Variants in OCA2 observed in about 807,000 individuals in gnomAD.
OCA2 encodes P protein.
In OCA2, 77 loss-of-function variants were observed where a neutral mutation model predicts 100.2. The ratio of observed to expected loss-of-function variants is 0.77; its 90% CI spans 0.64 to 0.93. OCA2 has a LOEUF of 0.93. Among genes scored for constraint, OCA2 ranks in the 40% least tolerant of loss-of-function variants. The pLI, the probability that OCA2 is intolerant of heterozygous loss-of-function variation, is 0.00. For missense variants in OCA2, 1,062 were observed against 1,089.1 expected (o/e 0.98, Z 0.35); for synonymous variants, 432 against 439.2 (o/e 0.98, Z 0.21).
chr15:28,033,431 A>G (rs967681081), intron 2 of OCA2, among the ~76,000 whole-genome samples: 1 of 152,266 alleles, frequency 6.6e-6, no homozygotes, highest in Admixed American at 6.5e-5. Flanking sequence ...TCATTCAAGC[A>G]TTCACCTGTG....
intron 2 of OCA2, among the ~76,000 whole-genome samples, chr15:28,054,197 C>T (rs7170584): frequency 0.068 from 10,236 of 151,196 alleles, 1,307 homozygotes; most frequent in East Asian, 0.65. Context: ...TATGTGTGCA[C>T]ACATGTATGT....
At chr15:28,096,485 C>G (rs1372663105) in intron 1 of OCA2, among the ~76,000 whole-genome samples, 1 of 152,176 alleles carries the variant, frequency 6.6e-6, no homozygotes, top group Non-Finnish European at 1.5e-5. Flanking sequence ...GCAGGAGAAG[C>G]CCTGCGGCCA....
intron 19 of OCA2, among the ~76,000 whole-genome samples, chr15:27,913,887 G>GAAAGAAAGAA (rs1567098299): frequency 3.1e-4 from 15 of 48,900 alleles, no homozygotes; most frequent in East Asian, 4.1e-3. Flanking sequence ...AAGAAAGAAA[G>GAAAGAAAGAA]AAAGAAAGCA....
intron 23 of OCA2, among the ~76,000 whole-genome samples, chr15:27,782,312 T>C (rs2032584991): frequency 6.6e-6 from 1 of 152,256 alleles, no homozygotes; most frequent in Non-Finnish European, 1.5e-5. Context: ...TTCCAGATTC[T>C]GTGCCTCCGT....
chr15:27,954,250 C>T lies in OCA2; in HGVS notation c.1842+908G>A, dbSNP rs148932028. ...ATTTCATCTCACTGTAGTCCTCGTCCAGGTGTACAGAGAGGCACACAGTTC... is the reference window on the plus strand; with the variant it reads ...ATTTCATCTCACTGTAGTCCTCGTCTAGGTGTACAGAGAGGCACACAGTTC... On this transcript the variant is annotated intron_variant, in intron 17 of 23. Transcript: ENST00000354638. 1.6e-3 allele frequency among the ~76,000 whole-genome samples: 237 copies of T among 152,142 alleles called. 1 individual carries two copies. The highest frequency in any genetic ancestry group is 5.4e-3 in the African/African-American group (226 of 41,474).
chr15:27,933,729 G>A (rs753513612), intron 18 of OCA2, among the ~76,000 whole-genome samples: 6 of 152,154 alleles, frequency 3.9e-5, no homozygotes, highest in Admixed American at 1.3e-4. Context: ...TCATGAGGTC[G>A]ATGGATCCAT....
rs576846193 is a variant in OCA2, at chr15:28,081,732, G to A, written c.143C>T (p.Ser48Leu). The change falls in exon 2 of 24, where the codon TCG (serine) becomes TTG (leucine). Residue 48 changes from serine to leucine, a missense_variant. Physicochemically the swap from Ser to Leu is moderately radical, Grantham distance 145 (BLOSUM62 -2). Transcript: ENST00000354638. ...GGCAGCCCCCCTGGGGCAGGAGTGC[G>A]AGGGGTCAGCTCCACCGGCTCCCCG... is the stretch of plus-strand genomic sequence containing the variant. Reference protein sequence around the residue: ...LPRGAGGADPSHSCPRGAAGQ... With the variant: ...LPRGAGGADPLHSCPRGAAGQ... 1.1e-5 allele frequency: 17 copies of A among 1,613,698 alleles called. No homozygotes were observed. The highest frequency in any genetic ancestry group is 9.3e-5 in the African/African-American group (7 of 75,080).
intron 18 of OCA2, among the ~76,000 whole-genome samples, chr15:27,940,643 C>T (rs1242488253): frequency 6.6e-6 from 1 of 152,190 alleles, no homozygotes; most frequent in Non-Finnish European, 1.5e-5. Flanking sequence ...TATCCTGATA[C>T]ATCCGGCACA....
intron 17 of OCA2, among the ~76,000 whole-genome samples, chr15:27,954,698 C>CAAAAA (rs796586679): frequency 6.7e-6 from 1 of 148,358 alleles, no homozygotes; most frequent in Non-Finnish European, 1.5e-5. Flanking sequence ...AAGAATGAGC[C>CAAAAA]AAAAAAAACA....
chr15:27,859,152 A>G (rs1245861260), intron 21 of OCA2, among the ~76,000 whole-genome samples: 1 of 152,110 alleles, frequency 6.6e-6, no homozygotes, highest in African/African-American at 2.4e-5. Flanking sequence ...TAAAGCTAGT[A>G]GAATGAGGGA....
At chr15:28,041,705 ATT>A (rs1404690355) in intron 2 of OCA2, among the ~76,000 whole-genome samples, 21 of 152,264 alleles carry the variant, frequency 1.4e-4, no homozygotes, top group Non-Finnish European at 2.9e-4. Context: ...ACAATGGTAT[ATT>A]CACACAATGG....
chr15:27,831,298 A>AAAAAAAAAAAAAAAAAAAAC (rs1478769274), intron 23 of OCA2, among the ~76,000 whole-genome samples: 1 of 151,078 alleles, frequency 6.6e-6, no homozygotes, highest in Non-Finnish European at 1.5e-5. Context: ...AAAAAAAAAA[A>AAAAAAAAAAAAAAAAAAAAC]AAAAAAAATC....
intron 5 of OCA2, 91 bp from the exon 6 acceptor site, chr15:28,022,664 T>C (rs1412809589): frequency 2.2e-6 from 2 of 908,496 alleles, no homozygotes; most frequent in East Asian, 4.8e-5. Context: ...ACAGATGTGA[T>C]GATGGGGCTA....
chr15:27,761,971 C>A (rs2030878318), intron 23 of OCA2, among the ~76,000 whole-genome samples: 1 of 152,170 alleles, frequency 6.6e-6, no homozygotes, highest in African/African-American at 2.4e-5. Context: ...ACTACAGGTG[C>A]CACCATGCCC....
chr15:27,812,129 T>C (rs1241530348), intron 23 of OCA2, among the ~76,000 whole-genome samples: 1 of 152,212 alleles, frequency 6.6e-6, no homozygotes, highest in African/African-American at 2.4e-5. Flanking sequence ...GATGCAACCA[T>C]GGGATAAATG....
intron 2 of OCA2, among the ~76,000 whole-genome samples, chr15:28,037,123 G>C (rs910675104): frequency 6.6e-6 from 1 of 152,094 alleles, no homozygotes; most frequent in African/African-American, 2.4e-5. Flanking sequence ...TCAGGACAGA[G>C]GGCAGGTGGC....
intron 17 of OCA2, among the ~76,000 whole-genome samples, chr15:27,954,846 G>A (rs749761744): frequency 4.6e-5 from 7 of 152,190 alleles, no homozygotes; most frequent in Non-Finnish European, 1.0e-4. Context: ...TGTGAACCTT[G>A]GGCCTGCCCT....
chr15:28,055,229 G>C (rs1049601737), intron 2 of OCA2, among the ~76,000 whole-genome samples: 1 of 152,150 alleles, frequency 6.6e-6, no homozygotes, highest in South Asian at 2.1e-4. Flanking sequence ...GTGTTGGTGT[G>C]GCATTATATA....
At chr15:27,842,039 C>T (rs2035360649) in intron 23 of OCA2, among the ~76,000 whole-genome samples, 1 of 152,164 alleles carries the variant, frequency 6.6e-6, no homozygotes, top group South Asian at 2.1e-4. Flanking sequence ...AGAAATGAAA[C>T]AAGGTTTTAT....
Sources: gnomAD v4.1 joint callset for allele counts (sites outside exome capture counted in the v4.1 genomes callset) on GRCh38, gnomAD v4.1.1 for gene constraint, MANE v1.5 for transcripts, NCBI Gene and HGNC (gene_info 2026-07-23, HGNC 2026-07-21) for gene names.